Variants in TTC23L observed in about 807,000 individuals in gnomAD.
TTC23L encodes the protein tetratricopeptide repeat domain 23 like.
A neutral mutation model predicts 48.1 loss-of-function variants in TTC23L; 42 were observed. The ratio of observed to expected loss-of-function variants is 0.87; its 90% CI spans 0.68 to 1.13. The LOEUF (loss-of-function observed/expected upper bound fraction) is 1.13, where lower values mean the gene tolerates loss of function less well. Ranked by LOEUF, TTC23L falls within the 50% of genes most tolerant of loss-of-function variation. The probability of loss-of-function intolerance (pLI) is 0.00; values close to 1 mark genes in which losing one functional copy is unlikely to be tolerated. For missense variants in TTC23L, 391 were observed against 421.0 expected, an observed-to-expected ratio of 0.93 and a Z score of 0.62; for synonymous variants, 159 against 157.2, an observed-to-expected ratio of 1.01 and a Z score of -0.09.
At chr5:34,914,246 A>C in the TTC23L span, among the ~76,000 whole-genome samples, 1 of 152,380 alleles carries the variant, frequency 6.6e-6, no homozygotes, top group South Asian at 2.1e-4. Flanking sequence ...TTCTGGAAAC[A>C]AATATTCAGC....
At chr5:34,845,932 C>T (rs1034860262) in intron 3 of TTC23L, among the ~76,000 whole-genome samples, 1 of 152,130 alleles carries the variant, frequency 6.6e-6, no homozygotes, top group Non-Finnish European at 1.5e-5. Flanking sequence ...TGCAGTGGCT[C>T]ATGCGTGTAA....
chr5:34,876,922 G>A (rs1385415983), intron 8 of TTC23L, among the ~76,000 whole-genome samples: 3 of 151,758 alleles, frequency 2.0e-5, no homozygotes, highest in Non-Finnish European at 2.9e-5. Flanking sequence ...AACCACCAAG[G>A]CATGTGTATA....
chr5:34,910,103 A>G, the TTC23L span, among the ~76,000 whole-genome samples: 4 of 152,068 alleles, frequency 2.6e-5, no homozygotes, highest in Non-Finnish European at 4.4e-5. Context: ...GGATCTCCTG[A>G]GCACCATAAC....
chr5:34,850,728 A>G (rs1427132871), intron 4 of TTC23L, among the ~76,000 whole-genome samples: 1 of 152,162 alleles, frequency 6.6e-6, no homozygotes, highest in Non-Finnish European at 1.5e-5. Context: ...TGAATTCCAA[A>G]GGTAGAACTC....
At chr5:34,916,042 A>G in the TTC23L span, 1 of 945,746 alleles carries the variant, frequency 1.1e-6, no homozygotes. Context: ...TCCCGGCCAG[A>G]CTGGGCACGG....
At chr5:34,917,614 T>G in the TTC23L span, among the ~76,000 whole-genome samples, 1 of 152,114 alleles carries the variant, frequency 6.6e-6, no homozygotes, top group Non-Finnish European at 1.5e-5. Flanking sequence ...CACTCCAGCC[T>G]GGGTGACAGA....
At chr5:34,897,053 C>T (rs914313646) in intron 10 of TTC23L, among the ~76,000 whole-genome samples, 178 bp downstream of exon 10, 3 of 151,786 alleles carry the variant, frequency 2.0e-5, no homozygotes, top group African/African-American at 7.3e-5. Context: ...CAAAGTGACA[C>T]AGGTTACTTT....
At chr5:34,907,549 CA>C in the TTC23L span, 3 of 152,236 alleles carry the variant, frequency 2.0e-5, no homozygotes, top group South Asian at 2.1e-4. Context: ...TTATATGCCA[CA>C]AAAATTATTT....
the TTC23L span, chr5:34,916,673 T>G: frequency 6.6e-6 from 1 of 152,258 alleles, no homozygotes; most frequent in East Asian, 1.9e-4. Context: ...AAGGATTATC[T>G]TTGACATTAA....
At chr5:34,855,041 G>C (rs933314927) in intron 4 of TTC23L, among the ~76,000 whole-genome samples, 1 of 152,182 alleles carries the variant, frequency 6.6e-6, no homozygotes, top group African/African-American at 2.4e-5. Context: ...GGGCATTTCT[G>C]ATGAAGAGGA....
intron 2 of TTC23L, among the ~76,000 whole-genome samples, chr5:34,841,227 G>A (rs1758641903): frequency 6.6e-6 from 1 of 151,940 alleles, no homozygotes; most frequent in African/African-American, 2.4e-5. Flanking sequence ...TGGCAAAATT[G>A]TAGAGAGTTA....
the TTC23L span, chr5:34,916,406 T>C: frequency 6.6e-6 from 1 of 152,616 alleles, no homozygotes; most frequent in African/African-American, 2.4e-5. Context: ...AAAAATAGAC[T>C]AGGTAGTATG....
chr5:34,900,901 G>A (rs1236196569), downstream of TTC23L, among the ~76,000 whole-genome samples: 7 of 152,184 alleles, frequency 4.6e-5, no homozygotes, highest in Admixed American at 3.3e-4. Flanking sequence ...CAACATCTGC[G>A]CGCACTGCCG....
intron 4 of TTC23L, among the ~76,000 whole-genome samples, chr5:34,857,160 G>C (rs1201257530): frequency 6.6e-6 from 1 of 152,196 alleles, no homozygotes; most frequent in African/African-American, 2.4e-5. Flanking sequence ...CCACTGCCCT[G>C]GTGATGATCC....
chr5:34,922,705 C>T, the TTC23L span: 186 of 1,613,504 alleles, frequency 1.2e-4, no homozygotes, highest in Non-Finnish European at 1.5e-4. Flanking sequence ...TTCATACCCT[C>T]GCTGAACTGA....
chr5:34,859,403 T>C lies in TTC23L; in HGVS notation c.380-3495T>C, dbSNP rs143574184. ...CTCCAGACCTGTGAAGACTCCCTGT[T>C]ACATAACAGATCTAATTCCCCCTCC... is the stretch of plus-strand genomic sequence containing the variant. On this transcript the variant is annotated intron_variant, in intron 4 of 10. Transcript: ENST00000505624. Among the ~76,000 whole-genome samples the C allele has an allele frequency of 3.5e-3, 527 of 152,298 alleles. 3 individuals carry two copies. Among genetic ancestry groups the C allele is most frequent in the Admixed American group, 6.9e-3 (105 of 15,304 alleles).
chr5:34,869,680 G>A (rs1761314957), intron 8 of TTC23L: 1 of 152,270 alleles, frequency 6.6e-6, no homozygotes, highest in South Asian at 2.1e-4. Flanking sequence ...AATATAATTT[G>A]ATCATTTTAA....
At chr5:34,915,781 C>G in the TTC23L span, 1 of 1,599,118 alleles carries the variant, frequency 6.3e-7, no homozygotes, top group Non-Finnish European at 8.5e-7. Context: ...CTTTGCAGTT[C>G]AGGCGAAGAA....
At chr5:34,901,686 T>C (rs7707207), downstream of TTC23L, among the ~76,000 whole-genome samples, 28 of 152,252 alleles carry the variant, frequency 1.8e-4, no homozygotes, top group African/African-American at 6.3e-4. Flanking sequence ...TGCTTGAACC[T>C]GGGAGGTGGA....
Sources: allele counts gnomAD v4.1 joint callset (sites outside exome capture counted in the v4.1 genomes callset), GRCh38; gene constraint gnomAD v4.1.1; transcripts MANE v1.5; gene names NCBI Gene and HGNC (gene_info 2026-07-23, HGNC 2026-07-21).